COMMD1: variants seen among roughly 807,000 people sequenced by gnomAD.
The protein encoded by COMMD1 is COMM domain-containing protein 1.
A neutral mutation model predicts 17.2 loss-of-function variants in COMMD1; 10 were observed. The observed-to-expected ratio is 0.58, with a 90% CI of 0.36 to 0.99. COMMD1 has a LOEUF of 0.99. Ranked by LOEUF, COMMD1 falls within the 50% of genes least tolerant of loss-of-function variation. The probability of loss-of-function intolerance (pLI) is 0.01; values close to 1 mark genes in which losing one functional copy is unlikely to be tolerated. For synonymous variants in COMMD1, 97 were observed against 91.6 expected, an observed-to-expected ratio of 1.06 and a Z score of -0.34; for missense variants, 270 against 231.8, an observed-to-expected ratio of 1.17 and a Z score of -1.07.
At position 61,913,323 on chromosome 2, in the gene COMMD1, C is replaced by T. The variant is rs553167825; in HGVS notation, c.180+7465C>T. 3.6e-5 allele frequency among the ~76,000 whole-genome samples: 5 copies of T among 139,440 alleles called. No individual in the cohort carries two copies. The South Asian group carries it at 1.1e-3, about 32-fold the overall frequency. 91.5% of individuals were successfully genotyped at this position (139,440 alleles called of 152,430 possible). ...CGGAGGTTGTGGTGAGCCAAGATCG[C>T]ACCACTGCACTCCAGCCTGGGCAAC... On this transcript the variant is annotated intron_variant, in intron 1 of 2. Coordinates refer to ENST00000311832, the MANE Select transcript of COMMD1 (RefSeq NM_152516.4).
intron 2 of COMMD1, among the ~76,000 whole-genome samples, chr2:62,021,002 T>A (rs1399356891): frequency 1.2e-4 from 17 of 139,810 alleles, no homozygotes; most frequent in Non-Finnish European, 2.2e-4. Flanking sequence ...AAAGTCCGTC[T>A]CAAAAAAAAA....
At chr2:62,121,435 G>GT (rs1340938620) in intron 2 of COMMD1, among the ~76,000 whole-genome samples, 1 of 147,208 alleles carries the variant, frequency 6.8e-6, no homozygotes, top group Non-Finnish European at 1.5e-5. Flanking sequence ...ATGAACTAGG[G>GT]TGTGATGTTT....
At chr2:61,978,252 G>A (rs1671859610) in intron 1 of COMMD1, among the ~76,000 whole-genome samples, 1 of 152,138 alleles carries the variant, frequency 6.6e-6, no homozygotes, top group African/African-American at 2.4e-5. Flanking sequence ...TAAAAGCTTA[G>A]TGGAAAAAGC....
At chr2:61,971,209 C>T (rs1209472413) in intron 1 of COMMD1, among the ~76,000 whole-genome samples, 1 of 152,352 alleles carries the variant, frequency 6.6e-6, no homozygotes, top group East Asian at 1.9e-4. Flanking sequence ...AGGGGTGCCT[C>T]CTTGGCTGGT....
At chr2:62,087,518 G>A (rs1671703377) in intron 2 of COMMD1, among the ~76,000 whole-genome samples, 1 of 152,354 alleles carries the variant, frequency 6.6e-6, no homozygotes, top group African/African-American at 2.4e-5. Context: ...GGCTAAGGCA[G>A]GTGGATCACC....
intron 2 of COMMD1, among the ~76,000 whole-genome samples, chr2:62,129,123 G>A (rs978393591): frequency 2.0e-5 from 3 of 152,106 alleles, no homozygotes; most frequent in African/African-American, 4.8e-5. Context: ...CTATGCTTCG[G>A]CAGTCTGAAG....
At chr2:62,122,485 G>T (rs1672777502) in intron 2 of COMMD1, among the ~76,000 whole-genome samples, 1 of 147,448 alleles carries the variant, frequency 6.8e-6, no homozygotes, top group Non-Finnish European at 1.5e-5. Context: ...AAAGATTGGT[G>T]GTACCTCTAC....
chr2:61,910,269 A>T (rs1259508632), intron 1 of COMMD1, among the ~76,000 whole-genome samples: 3 of 149,882 alleles, frequency 2.0e-5, no homozygotes, highest in African/African-American at 7.4e-5. Flanking sequence ...CTTTTTTTTT[A>T]AGACGGAGTC....
chr2:62,114,690 G>A (rs1672541072), intron 2 of COMMD1, among the ~76,000 whole-genome samples: 1 of 152,102 alleles, frequency 6.6e-6, no homozygotes, highest in Non-Finnish European at 1.5e-5. Context: ...TTTGTGTTTG[G>A]TGCCCTGTCA....
At chr2:61,919,319 C>CT (rs986356317) in intron 1 of COMMD1, among the ~76,000 whole-genome samples, 19 of 151,740 alleles carry the variant, frequency 1.3e-4, no homozygotes, top group African/African-American at 3.1e-4. Flanking sequence ...GGCTCGGCCT[C>CT]TTTTTTTTGT....
chr2:61,933,568 G>A (rs1160072447), intron 1 of COMMD1, among the ~76,000 whole-genome samples: 1 of 151,774 alleles, frequency 6.6e-6, no homozygotes, highest in Non-Finnish European at 1.5e-5. Flanking sequence ...GAGAAAGAGA[G>A]ACCTGAGCTG....
At chr2:62,081,679 C>T (rs138766147) in intron 2 of COMMD1, among the ~76,000 whole-genome samples, 1 of 152,174 alleles carries the variant, frequency 6.6e-6, no homozygotes, top group African/African-American at 2.4e-5. Context: ...TGCCTGTGCA[C>T]ATCCTGTACC....
intron 2 of COMMD1, among the ~76,000 whole-genome samples, chr2:62,101,861 G>A (rs1037101814): frequency 6.6e-6 from 1 of 152,050 alleles, no homozygotes; most frequent in Non-Finnish European, 1.5e-5. Context: ...TGTTGTTTGG[G>A]GTTTTTATGG....
intron 1 of COMMD1, among the ~76,000 whole-genome samples, chr2:61,920,687 A>C (rs986686658): frequency 6.6e-6 from 1 of 152,098 alleles, no homozygotes; most frequent in African/African-American, 2.4e-5. Context: ...GGCAGAATAA[A>C]AGCCAGTAAC....
chr2:61,931,351 C>A (rs895331431), intron 1 of COMMD1, among the ~76,000 whole-genome samples: 1 of 151,978 alleles, frequency 6.6e-6, no homozygotes, highest in Non-Finnish European at 1.5e-5. Flanking sequence ...GGGTAATGGA[C>A]CACAGAGATG....
chr2:61,963,954 C>T (rs1671439465), intron 1 of COMMD1, among the ~76,000 whole-genome samples: 1 of 152,184 alleles, frequency 6.6e-6, no homozygotes, highest in Admixed American at 6.5e-5. Flanking sequence ...CAGTCTTCCA[C>T]CAGGGTTGGT....
chr2:62,079,095 T>C lies in COMMD1; in HGVS notation c.463-56736T>C, dbSNP rs547222168. Among the ~76,000 whole-genome samples the C allele has an allele frequency of 1.3e-4, 20 of 152,278 alleles. No individual in the cohort carries two copies. The East Asian group carries it at 3.7e-3, about 28-fold the overall frequency. ...TTCACGTTAAATTTTAAAAGTGCCCTTGTTACAGGAAAGGGGTCCCGAACC... is the reference window on the plus strand; with the variant it reads ...TTCACGTTAAATTTTAAAAGTGCCCCTGTTACAGGAAAGGGGTCCCGAACC... On this transcript the variant is annotated intron_variant, in intron 2 of 2. Coordinates refer to ENST00000311832, the MANE Select transcript of COMMD1 (RefSeq NM_152516.4).
At chr2:62,010,688 C>T (rs1669252946) in intron 2 of COMMD1, among the ~76,000 whole-genome samples, 1 of 152,028 alleles carries the variant, frequency 6.6e-6, no homozygotes, top group Admixed American at 6.6e-5. Context: ...TTTTTGTTTT[C>T]TCCTACCCAC....
At chr2:61,954,188 G>A (rs955676297) in intron 1 of COMMD1, among the ~76,000 whole-genome samples, 24 of 152,008 alleles carry the variant, frequency 1.6e-4, no homozygotes, top group African/African-American at 5.1e-4. Context: ...CACCCTGGGC[G>A]ACAGAGTGAG....
Sources: allele counts gnomAD v4.1 joint callset (sites outside exome capture counted in the v4.1 genomes callset), GRCh38; gene constraint gnomAD v4.1.1; transcripts MANE v1.5; gene names NCBI Gene and HGNC (gene_info 2026-07-23, HGNC 2026-07-21).